Variants in PTK2B observed in about 807,000 individuals in gnomAD.
The protein encoded by PTK2B is protein tyrosine kinase 2 beta.
PTK2B carries 71 observed loss-of-function variants against 142.9 expected under a neutral mutation model. The observed-to-expected ratio is 0.50, with a 90% CI of 0.41 to 0.61. The LOEUF (loss-of-function observed/expected upper bound fraction) is 0.61, where lower values mean the gene tolerates loss of function less well. Among genes scored for constraint, PTK2B ranks in the 20% least tolerant of loss-of-function variants. PTK2B has a pLI of 0.00. For synonymous variants in PTK2B, 519 were observed against 503.4 expected (o/e 1.03, Z -0.42); for missense variants, 1,105 against 1,320.4 (o/e 0.84, Z 2.53).
chr8:27,419,269 G>C (rs765387177), intron 2 of PTK2B, among the ~76,000 whole-genome samples: 7 of 152,212 alleles, frequency 4.6e-5, no homozygotes, highest in Admixed American at 2.6e-4. Flanking sequence ...TGTGGGGATT[G>C]TGGCACTTAA....
chr8:27,439,249 G>A, intron 19 of PTK2B, 60 bp from the exon 20 acceptor site: 4 of 1,560,484 alleles, frequency 2.6e-6, no homozygotes, highest in Non-Finnish European at 3.5e-6. Context: ...AAAGTAGGAT[G>A]TATTTCTGGA....
intron 17 of PTK2B, 27 bp from the exon 18 acceptor site, chr8:27,437,738 C>G: frequency 6.3e-7 from 1 of 1,589,502 alleles, no homozygotes; most frequent in East Asian, 2.3e-5. Context: ...AACCAGGGGT[C>G]TTGATGGCAC....
At chr8:27,358,488 AACTTTC>A (rs1805513862) in intron 1 of PTK2B, among the ~76,000 whole-genome samples, 1 of 152,126 alleles carries the variant, frequency 6.6e-6, no homozygotes, top group African/African-American at 2.4e-5. Flanking sequence ...TATCAATATC[AACTTTC>A]ACTTAGTAAC....
At position 27,458,843 on chromosome 8, in the gene PTK2B, T is replaced by A. The variant is rs1007157287; in HGVS notation, c.*334T>A. 2.3e-6 allele frequency: 1 copy of A among 435,702 alleles called. No individual in the cohort carries two copies. Among genetic ancestry groups the A allele is most frequent in the Non-Finnish European group, 4.2e-6 (1 of 237,762 alleles). The allele number at this position is 435,702 out of a possible 1,614,324, so 27.0% of individuals were successfully genotyped here. On this transcript the variant is annotated 3_prime_UTR_variant, in exon 31 of 31. Coordinates refer to ENST00000346049, the MANE Select transcript of PTK2B (RefSeq NM_173176.3). ...GAGGTGTCACATGGTGCCCCTAGCT[T>A]TATATATGGACATGGCAGGCCGATT...
At chr8:27,447,311 A>C (rs991947388) in intron 24 of PTK2B, among the ~76,000 whole-genome samples, 1 of 152,372 alleles carries the variant, frequency 6.6e-6, no homozygotes, top group Non-Finnish European at 1.5e-5. Flanking sequence ...TAAAAATATA[A>C]GCTCCATTTT....
intron 1 of PTK2B, among the ~76,000 whole-genome samples, chr8:27,343,782 G>A (rs1157158756): frequency 6.6e-6 from 1 of 152,064 alleles, no homozygotes. Flanking sequence ...GGTGGATCAC[G>A]AGGTCCACTC....
chr8:27,454,224 G>T lies in PTK2B; in HGVS notation c.2666G>T (p.Arg889Leu), dbSNP rs778549869. Residue 889 changes from arginine (R) to leucine (L), a missense_variant, in exon 29 of 31, where the codon CGG becomes CTG. Arg to Leu is a moderately radical substitution (Grantham distance 102). Coordinates refer to ENST00000346049, the MANE Select transcript of PTK2B (RefSeq NM_173176.3). ...TACCTCAATGTCATGGAGCTGGTGCGGGCCGTGCTGGAGCTCAAGAATGAG... is the reference window on the plus strand; with the variant it reads ...TACCTCAATGTCATGGAGCTGGTGCTGGCCGTGCTGGAGCTCAAGAATGAG... ...LVYLNVMELV[R>L]AVLELKNELC... The T allele has an allele frequency of 6.2e-7, 1 of 1,614,138 alleles. No individual in the cohort carries two copies. The highest frequency in any genetic ancestry group is 8.5e-7 in the Non-Finnish European group (1 of 1,180,024).
intron 1 of PTK2B, among the ~76,000 whole-genome samples, chr8:27,341,664 G>T (rs7835067): frequency 6.6e-6 from 1 of 152,030 alleles, no homozygotes; most frequent in African/African-American, 2.4e-5. Context: ...TTGCAGGGCT[G>T]TGGGGGGGTT....
chr8:27,431,533 G>C, intron 9 of PTK2B, 61 bp downstream of exon 9: 1 of 1,598,666 alleles, frequency 6.3e-7, no homozygotes, highest in African/African-American at 1.3e-5. Flanking sequence ...CCTCTCTGCT[G>C]CCTCCCGCCC....
chr8:27,360,091 G>T (rs1805612233), intron 1 of PTK2B, among the ~76,000 whole-genome samples: 1 of 152,232 alleles, frequency 6.6e-6, no homozygotes, highest in Non-Finnish European at 1.5e-5. Flanking sequence ...AGCATGCCAT[G>T]CATATGAAGG....
chr8:27,412,507 G>T (rs1189926681), intron 2 of PTK2B, among the ~76,000 whole-genome samples: 3 of 152,128 alleles, frequency 2.0e-5, no homozygotes, highest in African/African-American at 7.2e-5. Flanking sequence ...AACCAGCAGT[G>T]GTGACATTGG....
intron 3 of PTK2B, among the ~76,000 whole-genome samples, chr8:27,317,824 C>A (rs1473384720): frequency 6.6e-6 from 1 of 152,124 alleles, no homozygotes; most frequent in African/African-American, 2.4e-5. Context: ...CATGAAGTTA[C>A]ACATTGCTGC....
chr8:27,394,835 A>AT lies in PTK2B; in HGVS notation c.-37-2705dup, dbSNP rs1180530610. On this transcript the variant is annotated intron_variant, in intron 1 of 30. Coordinates refer to ENST00000346049, the MANE Select transcript of PTK2B (RefSeq NM_173176.3). ...CCATTTCTAAAGATTTTTATTTTTT[A>AT]TTTTTTTTACTTTTTAAACGTTTTT... Among the ~76,000 whole-genome samples the AT allele has an allele frequency of 4.0e-5, 6 of 151,802 alleles. No homozygotes were observed. The South Asian group carries it at 6.2e-4, about 16-fold the overall frequency.
chr8:27,428,387 T>C (rs899668466), intron 5 of PTK2B, among the ~76,000 whole-genome samples: 3 of 152,198 alleles, frequency 2.0e-5, no homozygotes, highest in South Asian at 2.1e-4. Context: ...TATCTGCCAG[T>C]CTTCTGGTTT....
At position 27,440,532 on chromosome 8, in the gene PTK2B, C is replaced by T. The variant is rs897649061; in HGVS notation, c.2039+91C>T. 28 of 1,438,786 alleles carry T rather than the reference C, an allele frequency of 1.9e-5. 1 individual carries two copies. In the African/African-American group the frequency reaches 2.5e-4, roughly 13 times the overall value. The allele number at this position is 1,438,786 out of a possible 1,614,324, so 89.1% of individuals were successfully genotyped here. A position where few individuals can be genotyped will look rare whatever the true frequency, so the allele number is the denominator to read the frequency against. ...CACAGAGAGGTTTGCACCACATCTC[C>T]CTAAAGAAGACGGGCCAGGGTCAAG... On this transcript the variant is annotated intron_variant, in intron 21 of 30. Transcript: ENST00000346049.
intron 1 of PTK2B, among the ~76,000 whole-genome samples, chr8:27,368,233 GCT>G (rs1806134135): frequency 6.6e-6 from 1 of 152,216 alleles, no homozygotes; most frequent in Admixed American, 6.5e-5. Flanking sequence ...CAAATATCCT[GCT>G]CTCTTTGCTT....
At chr8:27,435,894 A>G in intron 14 of PTK2B, 101 bp downstream of exon 14, 4 of 1,403,468 alleles carry the variant, frequency 2.9e-6, no homozygotes, top group Non-Finnish European at 4.0e-6. Context: ...TTCCTCCTTT[A>G]TCCTCCCTTC....
chr8:27,408,880 A>T (rs575106104), intron 2 of PTK2B, among the ~76,000 whole-genome samples: 27 of 152,220 alleles, frequency 1.8e-4, no homozygotes, highest in Non-Finnish European at 2.8e-4. Flanking sequence ...AAGGTATTGT[A>T]TCACAGTTCT....
At chr8:27,352,872 A>G (rs149144707) in intron 1 of PTK2B, among the ~76,000 whole-genome samples, 1,772 of 152,294 alleles carry the variant, frequency 0.012, 36 homozygotes, top group African/African-American at 0.036. Context: ...TCTTTTGTAA[A>G]TTGCCCAGTC....
Sources: gnomAD v4.1 joint callset for allele counts (sites outside exome capture counted in the v4.1 genomes callset) on GRCh38, gnomAD v4.1.1 for gene constraint, MANE v1.5 for transcripts, NCBI Gene and HGNC (gene_info 2026-07-23, HGNC 2026-07-21) for gene names.